The following MBP variants were observed in gnomAD, a reference collection of about 807,000 sequenced individuals.
MBP encodes the protein myelin basic protein.
MBP carries 16 observed loss-of-function variants against 35.8 expected under a neutral mutation model. That is an observed-to-expected ratio of 0.45 (90% CI 0.30 to 0.68). MBP has a LOEUF of 0.68. Among genes scored for constraint, MBP ranks in the 30% least tolerant of loss-of-function variants. The pLI is 0.08. For synonymous variants in MBP, 143 were observed against 159.6 expected (o/e 0.90, Z 0.78); for missense variants, 380 against 404.7 (o/e 0.94, Z 0.52).
At chr18:77,032,828 G>A (rs968764000) in intron 3 of MBP, among the ~76,000 whole-genome samples, 1 of 152,128 alleles carries the variant, frequency 6.6e-6, no homozygotes, top group Non-Finnish European at 1.5e-5. Flanking sequence ...CTTCTCAGGG[G>A]GAGCAAAGAA....
chr18:76,994,907 T>C (rs917339008), intron 4 of MBP, among the ~76,000 whole-genome samples: 7 of 152,194 alleles, frequency 4.6e-5, no homozygotes, highest in Non-Finnish European at 8.8e-5. Flanking sequence ...CATTGAAGAG[T>C]GACTGAACTA....
At chr18:77,119,459 A>AT (rs1254383507) in intron 1 of MBP, among the ~76,000 whole-genome samples, 1 of 151,946 alleles carries the variant, frequency 6.6e-6, no homozygotes, top group Non-Finnish European at 1.5e-5. Context: ...CACATGGTAC[A>AT]TGGTAGGTAC....
rs765901938 is a variant in MBP at position 77,021,000 on chromosome 18, G to A, written c.140-3732C>T. Reference sequence around the variant, plus strand: ...AAATACTTTGAGGGCATTTCTTCACGTGGACTGAGAAGACACATAACTTGG... The same window carrying A: ...AAATACTTTGAGGGCATTTCTTCACATGGACTGAGAAGACACATAACTTGG... On this transcript the variant is annotated intron_variant, in intron 3 of 8. Coordinates refer to ENST00000355994, the MANE Select transcript of MBP (RefSeq NM_001025101.2). The surrounding 1 kb of genome is among the most constrained non-coding windows in gnomAD (Gnocchi z 4.1). 1.3e-5 allele frequency among the ~76,000 whole-genome samples: 2 copies of A among 152,360 alleles called. No individual in the cohort carries two copies. Among genetic ancestry groups the A allele is most frequent in the South Asian group, 2.1e-4 (1 of 4,824 alleles).
chr18:77,010,516 G>A (rs1280904653), intron 4 of MBP, among the ~76,000 whole-genome samples: 2 of 152,188 alleles, frequency 1.3e-5, no homozygotes, highest in East Asian at 1.9e-4. Flanking sequence ...GACCTTTTCC[G>A]ATTTTCTGCA....
intron 2 of MBP, among the ~76,000 whole-genome samples, chr18:77,075,635 G>T (rs946580567): frequency 3.9e-5 from 6 of 152,188 alleles, no homozygotes; most frequent in Admixed American, 3.9e-4. Context: ...GTTTTGCTTA[G>T]GGACAAAATG....
chr18:77,103,309 A>G (rs968536593), intron 2 of MBP, among the ~76,000 whole-genome samples: 2 of 152,178 alleles, frequency 1.3e-5, no homozygotes, highest in Non-Finnish European at 2.9e-5. Context: ...ATTCCGTTCA[A>G]TTCCGCGGAC....
intron 1 of MBP, among the ~76,000 whole-genome samples, chr18:77,112,145 C>A (rs1421580593): frequency 6.9e-6 from 1 of 144,374 alleles, no homozygotes; most frequent in African/African-American, 2.6e-5. Flanking sequence ...CACCAAAAAC[C>A]CGTAGAATGA....
At chr18:76,994,486 T>C (rs1271603257) in intron 4 of MBP, among the ~76,000 whole-genome samples, 1 of 152,244 alleles carries the variant, frequency 6.6e-6, no homozygotes, top group African/African-American at 2.4e-5. Flanking sequence ...CAACTTACCA[T>C]GCTGTCAGAG....
chr18:77,103,028 T>C (rs1192123461), intron 2 of MBP, among the ~76,000 whole-genome samples: 1 of 152,236 alleles, frequency 6.6e-6, no homozygotes, highest in Non-Finnish European at 1.5e-5. Context: ...ACCATTTACA[T>C]ATTTATAAAA....
In MBP at chr18:77,017,064, T is replaced by G. The variant is rs749950171; in HGVS notation, c.344A>C (p.Asp115Ala). Residue 115 changes from aspartate (D) to alanine (A), a missense_variant, in exon 4 of 9, where the codon GAC becomes GCC. Coordinates refer to ENST00000355994, the MANE Select transcript of MBP (RefSeq NM_001025101.2). Reference sequence around the variant, plus strand: ...GTCTTCTTGGATGGTCTGGAGCTCGTCGGACTCAGAGGGCCTGTCTTTGAA... The same window carrying G: ...GTCTTCTTGGATGGTCTGGAGCTCGGCGGACTCAGAGGGCCTGTCTTTGAA... ...NTFKDRPSES[D>A]ELQTIQEDSA... The G allele has an allele frequency of 6.2e-7, 1 of 1,612,758 alleles. No homozygotes were observed. The highest frequency in any genetic ancestry group is 8.5e-7 in the Non-Finnish European group (1 of 1,178,968).
chr18:77,122,370 CGCCAATGATGA>C (rs1976910775), intron 1 of MBP, among the ~76,000 whole-genome samples: 1 of 152,098 alleles, frequency 6.6e-6, no homozygotes, highest in African/African-American at 2.4e-5. Flanking sequence ...GAGTGGACTA[CGCCAATGATGA>C]GCTGGGAATC....
intron 2 of MBP, among the ~76,000 whole-genome samples, chr18:77,068,612 T>G (rs1974307078): frequency 6.6e-6 from 1 of 152,202 alleles, no homozygotes; most frequent in African/African-American, 2.4e-5. Flanking sequence ...GGTGTTCACA[T>G]TTGTTGTAAC....
intron 2 of MBP, among the ~76,000 whole-genome samples, chr18:77,074,411 G>A (rs1004980150): frequency 6.6e-6 from 1 of 151,998 alleles, no homozygotes; most frequent in Non-Finnish European, 1.5e-5. Context: ...CTTCTCCAAG[G>A]GAGTCAGAGA....
intron 2 of MBP, among the ~76,000 whole-genome samples, chr18:77,086,528 A>C (rs1975242973): frequency 6.6e-6 from 1 of 152,164 alleles, no homozygotes; most frequent in African/African-American, 2.4e-5. Flanking sequence ...AATACTGAAA[A>C]ACCTCTCTAT....
intron 3 of MBP, among the ~76,000 whole-genome samples, chr18:77,060,931 C>T (rs1973953598): frequency 6.6e-6 from 1 of 152,208 alleles, no homozygotes; most frequent in African/African-American, 2.4e-5. Flanking sequence ...TCTCTTGAGG[C>T]TGCCGCTGAC....
intron 4 of MBP, among the ~76,000 whole-genome samples, chr18:76,995,633 AC>A (rs947584489): frequency 1.3e-5 from 2 of 152,150 alleles, no homozygotes; most frequent in African/African-American, 2.4e-5. Context: ...GTTAAAAAAA[AC>A]AACGACCACG....
intron 3 of MBP, among the ~76,000 whole-genome samples, chr18:77,034,457 C>T (rs945688878): frequency 1.2e-4 from 18 of 152,156 alleles, no homozygotes; most frequent in African/African-American, 4.3e-4. Flanking sequence ...ACCCAGAGTA[C>T]AGACCCCAGT....
chr18:76,985,671 C>G lies in MBP; in HGVS notation c.751-777G>C, dbSNP rs528764046. The G allele has an allele frequency of 4.0e-4, 417 of 1,051,770 alleles. 4 individuals carry two copies. Among genetic ancestry groups the G allele is most frequent in the Non-Finnish European group, 2.1e-4 (186 of 869,346 alleles). 65.2% of individuals were successfully genotyped at this position (1,051,770 alleles called of 1,614,324 possible). A position where few individuals can be genotyped will look rare whatever the true frequency, so the allele number is the denominator to read the frequency against. The stretch of plus-strand genomic sequence containing the variant: ...AGCAGCGGGACAGCGTCTCAGCTCC[C>G]CCACCTCCCAGTCCCCTAGCACCTT... On this transcript the variant is annotated intron_variant, in intron 7 of 8. Transcript: ENST00000355994.
chr18:77,067,136 C>T (rs1347378306), intron 2 of MBP, among the ~76,000 whole-genome samples: 1 of 152,236 alleles, frequency 6.6e-6, no homozygotes, highest in African/African-American at 2.4e-5. Flanking sequence ...GTCACACTTG[C>T]ACATTGAATG....
Sources: allele counts gnomAD v4.1 joint callset (sites outside exome capture counted in the v4.1 genomes callset), GRCh38; gene constraint gnomAD v4.1.1; non-coding constraint Gnocchi (gnomAD v3.1); transcripts MANE v1.5; gene names NCBI Gene and HGNC (gene_info 2026-07-23, HGNC 2026-07-21).